HPSE2: variants seen among roughly 807,000 people sequenced by gnomAD.
The protein encoded by HPSE2 is inactive heparanase-2.
Under a neutral mutation model 60.5 loss-of-function variants are expected in HPSE2, and 38 were observed. That is an observed-to-expected ratio of 0.63 (90% CI 0.48 to 0.82). The LOEUF is 0.82. Ranked by LOEUF, HPSE2 falls within the 40% of genes least tolerant of loss-of-function variation. The pLI is 0.00. For missense variants in HPSE2, 713 were observed against 740.4 expected (o/e 0.96, Z 0.43); for synonymous variants, 295 against 293.2 (o/e 1.01, Z -0.06).
chr10:99,149,729 G>A (rs1362758074), intron 2 of HPSE2, among the ~76,000 whole-genome samples: 1 of 152,104 alleles, frequency 6.6e-6, no homozygotes, highest in Non-Finnish European at 1.5e-5. Flanking sequence ...CCACAAAAAT[G>A]TGTATTTTTC....
At chr10:99,294,478 T>C in the HPSE2 span, among the ~76,000 whole-genome samples, 1 of 146,572 alleles carries the variant, frequency 6.8e-6, no homozygotes, top group Non-Finnish European at 1.5e-5. Context: ...ATAATATATT[T>C]ATATATAAAT....
At position 99,126,424 on chromosome 10, in the gene HPSE2, G is replaced by T. The variant is rs779600946; in HGVS notation, c.610+17814C>A. ...TCCAAGCTTTATGGCCCCACCCATC[G>T]CCTGGGAAACCAGAATAGTTACCCT... is the stretch of plus-strand genomic sequence containing the variant. On this transcript the variant is annotated intron_variant, in intron 3 of 11. Coordinates refer to ENST00000370552, the MANE Select transcript of HPSE2 (RefSeq NM_021828.5). The surrounding 1 kb of genome is among the most constrained non-coding windows in gnomAD (Gnocchi z 4.0). 6.6e-6 allele frequency among the ~76,000 whole-genome samples: 1 copy of T among 151,956 alleles called. No homozygotes were observed. Among genetic ancestry groups the T allele is most frequent in the African/African-American group, 2.4e-5 (1 of 41,364 alleles).
chr10:98,603,351 C>G (rs181770302), intron 9 of HPSE2, among the ~76,000 whole-genome samples: 3 of 152,016 alleles, frequency 2.0e-5, no homozygotes, highest in Admixed American at 1.3e-4. Flanking sequence ...GATCTCACAG[C>G]AAATACTGGG....
At chr10:99,100,085 C>T (rs1451680758) in intron 3 of HPSE2, among the ~76,000 whole-genome samples, 1 of 152,146 alleles carries the variant, frequency 6.6e-6, no homozygotes, top group Non-Finnish European at 1.5e-5. Context: ...ATCAGAGCAC[C>T]TCTACTCCTC....
intron 3 of HPSE2, among the ~76,000 whole-genome samples, chr10:98,987,565 T>G (rs1229794295): frequency 1.3e-5 from 2 of 152,060 alleles, no homozygotes; most frequent in South Asian, 2.1e-4. Context: ...CTGGAAGCAC[T>G]CCCTTTGAAA....
chr10:98,799,065 A>G (rs1377127963), intron 3 of HPSE2, among the ~76,000 whole-genome samples: 1 of 152,184 alleles, frequency 6.6e-6, no homozygotes, highest in Non-Finnish European at 1.5e-5. Flanking sequence ...ATAAAGATAC[A>G]CATAGACTGA....
intron 9 of HPSE2, among the ~76,000 whole-genome samples, chr10:98,579,080 G>A (rs1265535721): frequency 3.3e-5 from 4 of 120,740 alleles, no homozygotes; most frequent in Non-Finnish European, 7.3e-5. Context: ...TATGTCAGTG[G>A]GAATCTCAGC....
chr10:99,053,821 T>G (rs1447214191), intron 3 of HPSE2, among the ~76,000 whole-genome samples: 1 of 135,592 alleles, frequency 7.4e-6, no homozygotes, highest in African/African-American at 2.7e-5. Context: ...CTCCACCTCC[T>G]GGGTTCAAGC....
the HPSE2 span, among the ~76,000 whole-genome samples, chr10:99,243,141 C>T: frequency 1.3e-5 from 2 of 151,996 alleles, no homozygotes; most frequent in Non-Finnish European, 2.9e-5. Flanking sequence ...ATCACGAGGT[C>T]AGGGAATTGA....
chr10:99,168,592 A>T (rs1847177936), intron 2 of HPSE2, among the ~76,000 whole-genome samples: 1 of 152,088 alleles, frequency 6.6e-6, no homozygotes, highest in South Asian at 2.1e-4. Context: ...GAGTTTCTGC[A>T]CTCTGGTAGG....
intron 9 of HPSE2, among the ~76,000 whole-genome samples, chr10:98,513,946 G>A (rs1315608473): frequency 6.6e-6 from 1 of 152,084 alleles, no homozygotes; most frequent in Non-Finnish European, 1.5e-5. Flanking sequence ...AGACATACTT[G>A]TACATGGATG....
upstream of HPSE2, among the ~76,000 whole-genome samples, chr10:99,237,072 G>T (rs1045050193): frequency 2.0e-5 from 3 of 152,148 alleles, no homozygotes; most frequent in Admixed American, 6.5e-5. Context: ...ACCCGCCGCT[G>T]CTCATTGAGC....
At chr10:99,098,385 T>C (rs1200532006) in intron 3 of HPSE2, among the ~76,000 whole-genome samples, 1 of 152,224 alleles carries the variant, frequency 6.6e-6, no homozygotes, top group Admixed American at 6.5e-5. Flanking sequence ...TTGGTATCAA[T>C]AAGGGTCCTG....
intron 3 of HPSE2, among the ~76,000 whole-genome samples, chr10:98,760,505 TAAAG>T (rs1949981788): frequency 6.6e-6 from 1 of 152,070 alleles, no homozygotes; most frequent in South Asian, 2.1e-4. Context: ...AGTTTTATCA[TAAAG>T]AATGTTGAAT....
intron 3 of HPSE2, among the ~76,000 whole-genome samples, chr10:99,087,123 A>C (rs931846426): frequency 6.6e-6 from 1 of 152,248 alleles, no homozygotes; most frequent in Non-Finnish European, 1.5e-5. Context: ...GCAGGCAACA[A>C]ATGAAAACTT....
chr10:98,892,243 A>G (rs1359884736), intron 3 of HPSE2, among the ~76,000 whole-genome samples: 1 of 152,228 alleles, frequency 6.6e-6, no homozygotes, highest in African/African-American at 2.4e-5. Context: ...ACTATATGTT[A>G]TAAGAGATAC....
At chr10:98,979,560 A>G (rs1488290941) in intron 3 of HPSE2, among the ~76,000 whole-genome samples, 2 of 152,198 alleles carry the variant, frequency 1.3e-5, no homozygotes, top group East Asian at 3.8e-4. Context: ...TATTTGTACA[A>G]AAGACATATT....
In HPSE2 at chr10:99,235,584, T is replaced by C; in HGVS notation, c.219A>G (p.Thr73=). Residue 73 remains threonine, a synonymous_variant, in exon 1 of 12, where the codon ACA becomes ACG. Coordinates refer to ENST00000370552, the MANE Select transcript of HPSE2 (RefSeq NM_021828.5). ...GCAGAGAGAGGAAGTTCTCATTGAC[T>C]GTCCTGACTGGGTTCTTGGTGCTCA... The part of the protein sequence containing the change: ...LDVSTKNPVR[T]VNENFLSLQL... 6.2e-7 allele frequency: 1 copy of C among 1,614,108 alleles called. No homozygotes were observed. The highest frequency in any genetic ancestry group is 8.5e-7 in the Non-Finnish European group (1 of 1,180,006).
intron 3 of HPSE2, among the ~76,000 whole-genome samples, chr10:98,754,705 A>G (rs558172190): frequency 6.7e-5 from 10 of 150,000 alleles, no homozygotes; most frequent in Non-Finnish European, 1.2e-4. Flanking sequence ...ACCTGTAGTC[A>G]GCATTCTTAA....
Sources: gnomAD v4.1 joint callset for allele counts (sites outside exome capture counted in the v4.1 genomes callset) on GRCh38, gnomAD v4.1.1 for gene constraint, Gnocchi (gnomAD v3.1) non-coding constraint, MANE v1.5 for transcripts, NCBI Gene and HGNC (gene_info 2026-07-23, HGNC 2026-07-21) for gene names.